The following AMZ1 variants were observed in gnomAD, a reference collection of about 807,000 sequenced individuals.
AMZ1 encodes archaemetzincin-1.
AMZ1 carries 39 observed loss-of-function variants against 29.9 expected under a neutral mutation model. The observed-to-expected ratio is 1.30, with a 90% CI of 1.01 to 1.70. The LOEUF is 1.70. Among genes scored for constraint, AMZ1 ranks in the 40% most tolerant of loss-of-function variants. The probability of loss-of-function intolerance (pLI) is 0.00; values close to 1 mark genes in which losing one functional copy is unlikely to be tolerated. For synonymous variants in AMZ1, 458 were observed against 304.0 expected, an observed-to-expected ratio of 1.51 and a Z score of -5.27; for missense variants, 1,041 against 680.6, an observed-to-expected ratio of 1.53 and a Z score of -5.89.
chr7:2,709,249 G>T lies in AMZ1; in HGVS notation c.771+5G>T. 6.7e-7 allele frequency: 1 copy of T among 1,492,350 alleles called. No individual in the cohort carries two copies. Among genetic ancestry groups the T allele is most frequent in the Non-Finnish European group, 8.9e-7 (1 of 1,124,406 alleles). 92.4% of individuals were successfully genotyped at this position (1,492,350 alleles called of 1,614,324 possible). A position where few individuals can be genotyped will look rare whatever the true frequency, so the allele number is the denominator to read the frequency against. The stretch of plus-strand genomic sequence containing the variant: ...GGGATGGTTCAGTGCTGCAAGGTGG[G>T]TGGGGGCTCTGGGGCTGGTAAGAGG... On this transcript the variant is annotated splice_donor_5th_base_variant and intron_variant, in intron 5 of 6. Transcript: ENST00000683327.
At chr7:2,681,602 C>T (rs905078449) in intron 1 of AMZ1, among the ~76,000 whole-genome samples, 4 of 152,154 alleles carry the variant, frequency 2.6e-5, no homozygotes, top group Non-Finnish European at 4.4e-5. Context: ...ACTGTGGGGG[C>T]TGTGGGGAAG....
chr7:2,756,759 G>T (rs1409935743), intron 4 of AMZ1, among the ~76,000 whole-genome samples: 1 of 152,116 alleles, frequency 6.6e-6, no homozygotes, highest in Admixed American at 6.6e-5. Context: ...AGAATATGAT[G>T]GAACATCACT....
At chr7:2,723,487 G>T (rs750149975), downstream of AMZ1, among the ~76,000 whole-genome samples, 1 of 152,246 alleles carries the variant, frequency 6.6e-6, no homozygotes, top group Non-Finnish European at 1.5e-5. Flanking sequence ...GCACAGATGG[G>T]AAACACATTG....
intron 4 of AMZ1, among the ~76,000 whole-genome samples, chr7:2,741,015 T>C (rs1583218361): frequency 6.6e-6 from 1 of 151,922 alleles, no homozygotes; most frequent in Non-Finnish European, 1.5e-5. Flanking sequence ...ACTGCACTCC[T>C]GCCTGGGCGA....
At chr7:2,690,318 A>C (rs1787312580) in intron 1 of AMZ1, among the ~76,000 whole-genome samples, 1 of 152,186 alleles carries the variant, frequency 6.6e-6, no homozygotes, top group Non-Finnish European at 1.5e-5. Flanking sequence ...TCCAGGGCGA[A>C]AGCAATCCTC....
At chr7:2,764,737 C>T (rs184965773) in exon 1 of AMZ1, 5 of 152,246 alleles carry the variant, frequency 3.3e-5, no homozygotes, top group Non-Finnish European at 4.4e-5. Flanking sequence ...CCAGTAGCTT[C>T]AGCCACAGCT....
intron 4 of AMZ1, among the ~76,000 whole-genome samples, 163 bp from the exon 5 acceptor site, chr7:2,708,912 C>T (rs1219348523): frequency 2.0e-5 from 3 of 152,242 alleles, no homozygotes; most frequent in African/African-American, 7.2e-5. Flanking sequence ...GCTGTGGCGT[C>T]TGCCCCAGGG....
chr7:2,720,474 G>A (rs1789372467), downstream of AMZ1, among the ~76,000 whole-genome samples: 1 of 152,084 alleles, frequency 6.6e-6, no homozygotes, highest in African/African-American at 2.4e-5. Flanking sequence ...TGCGATCTTG[G>A]CTCACTGCAA....
rs1268452833 is a variant in AMZ1 at position 2,712,695 on chromosome 7, C to T, written c.1314C>T (p.Asp438=). The change falls in exon 7 of 7, where the codon GAC becomes GAT. Residue 438 remains aspartate (D), a synonymous_variant. Coordinates refer to ENST00000683327, the MANE Select transcript of AMZ1 (RefSeq NM_001384743.1). ...TGGACAGAGCCGTGGACGCCCTCGA[C>T]CGCTGGGAGATGTTCACGGGCCAGC... ...VQVDRAVDAL[D]RWEMFTGQLP... 2.5e-6 allele frequency: 4 copies of T among 1,612,008 alleles called. No individual in the cohort carries two copies. Among genetic ancestry groups the T allele is most frequent in the Non-Finnish European group, 3.4e-6 (4 of 1,179,466 alleles).
chr7:2,700,813 A>G, intron 2 of AMZ1, 58 bp downstream of exon 2: 1 of 1,569,070 alleles, frequency 6.4e-7, no homozygotes, highest in Non-Finnish European at 8.6e-7. Context: ...TATATAGCAC[A>G]AGTGGGGGAT....
intron 4 of AMZ1, among the ~76,000 whole-genome samples, chr7:2,748,786 T>G (rs1227366331): frequency 3.3e-5 from 5 of 151,900 alleles, no homozygotes; most frequent in Admixed American, 2.0e-4. Flanking sequence ...ATATCCAGAA[T>G]CTACAATGAA....
chr7:2,733,552 A>C, intron 4 of AMZ1: 1 of 1,417,776 alleles, frequency 7.1e-7, no homozygotes, highest in South Asian at 1.2e-5. Context: ...AGGAATCCTG[A>C]TGTGGCAAAT....
chr7:2,735,344 G>C (rs535402351), intron 4 of AMZ1, among the ~76,000 whole-genome samples: 1 of 152,330 alleles, frequency 6.6e-6, no homozygotes, highest in South Asian at 2.1e-4. Context: ...CAGGCACGAA[G>C]GAAGCAGAGG....
chr7:2,712,187 G>C, intron 6 of AMZ1, 143 bp from the exon 7 acceptor site: 1 of 840,582 alleles, frequency 1.2e-6, no homozygotes, highest in Non-Finnish European at 1.8e-6. Flanking sequence ...CTGGTCACAA[G>C]AGCCCTCACA....
chr7:2,753,243 T>A (rs527420928), intron 4 of AMZ1, among the ~76,000 whole-genome samples: 1 of 152,128 alleles, frequency 6.6e-6, no homozygotes, highest in South Asian at 2.1e-4. Flanking sequence ...CAAACTCTCC[T>A]CCCAGGCTCA....
At chr7:2,681,687 C>T (rs999524417) in intron 1 of AMZ1, among the ~76,000 whole-genome samples, 1 of 152,132 alleles carries the variant, frequency 6.6e-6, no homozygotes, top group East Asian at 1.9e-4. Flanking sequence ...GGAGATTCGT[C>T]CCCACGTGCC....
chr7:2,743,106 A>T (rs1452102534), intron 4 of AMZ1, among the ~76,000 whole-genome samples: 1 of 152,218 alleles, frequency 6.6e-6, no homozygotes, highest in Non-Finnish European at 1.5e-5. Flanking sequence ...CACTCCAAAA[A>T]GAAAAGAGTC....
At chr7:2,740,394 T>C (rs1003719765) in intron 4 of AMZ1, among the ~76,000 whole-genome samples, 12 of 152,132 alleles carry the variant, frequency 7.9e-5, no homozygotes, top group Non-Finnish European at 1.6e-4. Context: ...TCTCACTCCG[T>C]CCTATGTGAG....
At chr7:2,737,395 TCTC>T (rs1328009914) in intron 4 of AMZ1, among the ~76,000 whole-genome samples, 1 of 148,436 alleles carries the variant, frequency 6.7e-6, no homozygotes, top group Non-Finnish European at 1.5e-5. Context: ...TTCAAGCAAT[TCTC>T]CTGCCTCAGC....
Sources: gnomAD v4.1 joint callset for allele counts (sites outside exome capture counted in the v4.1 genomes callset) on GRCh38, gnomAD v4.1.1 for gene constraint, MANE v1.5 for transcripts, NCBI Gene and HGNC (gene_info 2026-07-23, HGNC 2026-07-21) for gene names.